Variants in NAV2 observed in about 807,000 individuals in gnomAD.
The protein encoded by NAV2 is neuron navigator 2.
In NAV2, 54 loss-of-function variants were observed where a neutral mutation model predicts 223.2. That is an observed-to-expected ratio of 0.24 (90% CI 0.19 to 0.30). The LOEUF is 0.30. Ranked by LOEUF, NAV2 falls within the 10% of genes least tolerant of loss-of-function variation. The probability of loss-of-function intolerance (pLI) is 1.00; values close to 1 mark genes in which losing one functional copy is unlikely to be tolerated. For synonymous variants in NAV2, 1,279 were observed against 1,239.3 expected (o/e 1.03, Z -0.67); for missense variants, 2,806 against 3,147.5 (o/e 0.89, Z 2.60).
chr11:19,485,725 A>T (rs1379779553), intron 1 of NAV2, among the ~76,000 whole-genome samples: 4 of 124,822 alleles, frequency 3.2e-5, no homozygotes, highest in Non-Finnish European at 7.3e-5. Context: ...GGATCTATTA[A>T]GGATTTTTTT....
upstream of NAV2, among the ~76,000 whole-genome samples, chr11:19,349,909 G>A (rs1477483728): frequency 6.6e-6 from 1 of 152,132 alleles, no homozygotes; most frequent in Non-Finnish European, 1.5e-5. Flanking sequence ...TCCATAGGCA[G>A]TTGCTTTTCG....
intron 1 of NAV2, among the ~76,000 whole-genome samples, chr11:19,553,509 C>CCA (rs112504639): frequency 2.0e-5 from 3 of 151,152 alleles, no homozygotes; most frequent in Non-Finnish European, 4.4e-5. Flanking sequence ...GTAATGCAGA[C>CCA]CACACACACA....
chr11:20,074,548 C>G (rs12808945), intron 22 of NAV2, among the ~76,000 whole-genome samples: 49,085 of 151,686 alleles, frequency 0.32, 8,878 homozygotes, highest in African/African-American at 0.49. Flanking sequence ...AAGTCTCCCA[C>G]TGTTATTGTG....
At chr11:19,429,710 C>G (rs992811631) in intron 1 of NAV2, among the ~76,000 whole-genome samples, 3 of 152,292 alleles carry the variant, frequency 2.0e-5, no homozygotes, top group African/African-American at 7.2e-5. Context: ...CATTTTAGTT[C>G]TCAAAACACT....
At chr11:19,675,778 T>C (rs1369831221) in intron 1 of NAV2, among the ~76,000 whole-genome samples, 1 of 152,186 alleles carries the variant, frequency 6.6e-6, no homozygotes, top group Non-Finnish European at 1.5e-5. Flanking sequence ...TCAGAGTTGC[T>C]CAAGTCCCCT....
intron 1 of NAV2, among the ~76,000 whole-genome samples, chr11:19,537,054 T>C (rs1371578609): frequency 1.3e-5 from 2 of 152,196 alleles, no homozygotes; most frequent in Non-Finnish European, 2.9e-5. Context: ...TTCAACTTGT[T>C]TAAGAGACAA....
At chr11:19,799,805 T>C (rs1203197054) in intron 1 of NAV2, among the ~76,000 whole-genome samples, 5 of 152,146 alleles carry the variant, frequency 3.3e-5, no homozygotes, top group African/African-American at 1.2e-4. Flanking sequence ...TGCCCTGTTC[T>C]TTCCTTTCTT....
intron 1 of NAV2, among the ~76,000 whole-genome samples, chr11:19,602,737 C>A (rs574716953): frequency 4.9e-4 from 74 of 152,182 alleles, no homozygotes; most frequent in Non-Finnish European, 5.3e-4. Flanking sequence ...CCTCTGTTTT[C>A]GCCTGGCCCC....
At chr11:19,541,444 C>T (rs775895079) in intron 1 of NAV2, among the ~76,000 whole-genome samples, 10 of 152,206 alleles carry the variant, frequency 6.6e-5, no homozygotes, top group Non-Finnish European at 1.0e-4. Context: ...TAGATGAAGG[C>T]GTTGGGCCAT....
chr11:19,859,527 C>G (rs2061570719), intron 3 of NAV2, among the ~76,000 whole-genome samples: 1 of 150,538 alleles, frequency 6.6e-6, no homozygotes, highest in Non-Finnish European at 1.5e-5. Context: ...TGAAAAGTCT[C>G]CCATGTCTAC....
intron 1 of NAV2, among the ~76,000 whole-genome samples, chr11:19,632,587 T>C (rs1217024358): frequency 6.6e-6 from 1 of 152,190 alleles, no homozygotes; most frequent in Non-Finnish European, 1.5e-5. Context: ...GTTTTCATTG[T>C]GGTCAGTTCA....
At position 19,622,558 on chromosome 11, in the gene NAV2, A is replaced by G. The variant is rs543413475; in HGVS notation, c.76-209926A>G. On this transcript the variant is annotated intron_variant, in intron 1 of 37. Coordinates refer to the NAV2 transcript ENST00000360655. Reference sequence around the variant, plus strand: ...TCTTTGTTGGTTTAAAGTCTGTTTTATCAGAGACTAGGATTGCAACCCCTG... The same window carrying G: ...TCTTTGTTGGTTTAAAGTCTGTTTTGTCAGAGACTAGGATTGCAACCCCTG... Among the ~76,000 whole-genome samples the G allele has an allele frequency of 5.8e-3, 886 of 152,218 alleles. 11 individuals are homozygous for G. Among genetic ancestry groups the G allele is most frequent in the African/African-American group, 0.02 (847 of 41,522 alleles).
chr11:19,677,327 C>T (rs1329819393), intron 1 of NAV2, among the ~76,000 whole-genome samples: 1 of 152,258 alleles, frequency 6.6e-6, no homozygotes, highest in Non-Finnish European at 1.5e-5. Flanking sequence ...CCCAGGGTGA[C>T]AGCTTGCAGA....
intron 26 of NAV2, among the ~76,000 whole-genome samples, chr11:20,087,172 G>A (rs557714531): frequency 3.9e-5 from 6 of 152,216 alleles, no homozygotes; most frequent in South Asian, 2.1e-4. Context: ...GAGTAGGAAC[G>A]GGGCCAGATG....
At chr11:19,400,516 G>A (rs1460466418) in intron 1 of NAV2, among the ~76,000 whole-genome samples, 2 of 152,202 alleles carry the variant, frequency 1.3e-5, no homozygotes, top group African/African-American at 4.8e-5. Context: ...AAGCCAGGTG[G>A]ACTGAGTTTG....
In NAV2 at chr11:19,776,631, A is replaced by AGTGTGTGT. The variant is rs1565295867; in HGVS notation, c.268-55853_268-55852insGTGTGTGT. On this transcript the variant is annotated intron_variant, in intron 1 of 37. Transcript: ENST00000349880. ...GTGGTTAGAGTTGTGGGGGTCAGAA[A>AGTGTGTGT]ATGTGTGTGTGTGTGTGTGTGTGTG... Among the ~76,000 whole-genome samples, 3 of 22,700 alleles carry AGTGTGTGT rather than the reference A, an allele frequency of 1.3e-4. 1 individual carries two copies. Among genetic ancestry groups the AGTGTGTGT allele is most frequent in the African/African-American group, 3.7e-4 (3 of 8,206 alleles). The allele number at this position is 22,700 out of a possible 152,430, so 14.9% of individuals were successfully genotyped here. A position where few individuals can be genotyped will look rare whatever the true frequency, so the allele number is the denominator to read the frequency against.
chr11:19,954,063 A>G (rs1256258952), intron 10 of NAV2, among the ~76,000 whole-genome samples: 3 of 152,210 alleles, frequency 2.0e-5, no homozygotes, highest in African/African-American at 4.8e-5. Flanking sequence ...CAATGGTTCT[A>G]TTTACAGAAC....
chr11:19,815,274 C>G (rs35072761), intron 1 of NAV2, among the ~76,000 whole-genome samples: 29 of 152,148 alleles, frequency 1.9e-4, no homozygotes, highest in Non-Finnish European at 4.0e-4. Flanking sequence ...TGGAAGGCTG[C>G]TGGGATATTG....
At chr11:19,450,161 G>T (rs1198444841) in intron 1 of NAV2, among the ~76,000 whole-genome samples, 1 of 152,192 alleles carries the variant, frequency 6.6e-6, no homozygotes, top group Non-Finnish European at 1.5e-5. Context: ...AGCTGCAGGG[G>T]TGAGCAGCCG....
Sources: gnomAD v4.1 joint callset for allele counts (sites outside exome capture counted in the v4.1 genomes callset) on GRCh38, gnomAD v4.1.1 for gene constraint, MANE v1.5 for transcripts, NCBI Gene and HGNC (gene_info 2026-07-23, HGNC 2026-07-21) for gene names.